Variants in SLC17A1 observed in about 807,000 individuals in gnomAD.
SLC17A1 encodes the protein solute carrier family 17 member 1, also known as sodium-dependent phosphate transport protein 1.
A neutral mutation model predicts 53.5 loss-of-function variants in SLC17A1; 51 were observed. That is an observed-to-expected ratio of 0.95 (90% CI 0.76 to 1.20). The LOEUF is 1.20. Ranked by LOEUF, SLC17A1 falls within the 50% of genes most tolerant of loss-of-function variation. SLC17A1 has a pLI of 0.00. For missense variants in SLC17A1, 538 were observed against 568.2 expected, an observed-to-expected ratio of 0.95 and a Z score of 0.54; for synonymous variants, 179 against 198.8, an observed-to-expected ratio of 0.90 and a Z score of 0.84.
intron 3 of SLC17A1, among the ~76,000 whole-genome samples, chr6:25,820,813 G>A (rs575137134): frequency 2.0e-5 from 3 of 151,360 alleles, no homozygotes; most frequent in African/African-American, 7.3e-5. Context: ...GCAGGAGAAT[G>A]GCGTGAACCT....
chr6:25,728,684 C>G, the SLC17A1 span, among the ~76,000 whole-genome samples: 1 of 151,996 alleles, frequency 6.6e-6, no homozygotes, highest in East Asian at 1.9e-4. Context: ...CGTGGTGGCA[C>G]GTTCCTGTAA....
At chr6:25,776,746 A>G in the SLC17A1 span, 1 of 1,613,856 alleles carries the variant, frequency 6.2e-7, no homozygotes, top group South Asian at 1.1e-5. Context: ...GAGACTGGAC[A>G]CAGGGGTGAA....
chr6:25,732,107 GC>G, the SLC17A1 span: 1 of 769,786 alleles, frequency 1.3e-6, no homozygotes. Context: ...TTTAGCAACT[GC>G]CTTCTTAAAG....
At chr6:25,750,832 A>ATGGGCCTAGTATTC in the SLC17A1 span, among the ~76,000 whole-genome samples, 1 of 152,116 alleles carries the variant, frequency 6.6e-6, no homozygotes, top group Admixed American at 6.6e-5. Context: ...TTTGTCAGCA[A>ATGGGCCTAGTATTC]TGGGCCTAGT....
intron 11 of SLC17A1, 43 bp from the exon 12 acceptor site, chr6:25,798,962 GT>G (rs779246752): frequency 6.0e-6 from 9 of 1,510,936 alleles, no homozygotes; most frequent in Non-Finnish European, 8.1e-6. Flanking sequence ...TATTGCTCTT[GT>G]TTTTTTGTTT....
the SLC17A1 span, among the ~76,000 whole-genome samples, chr6:25,775,708 G>A: frequency 6.6e-6 from 1 of 152,148 alleles, no homozygotes; most frequent in African/African-American, 2.4e-5. Context: ...GATTACAGGT[G>A]TGAGCCACCA....
At position 25,796,912 on chromosome 6, in the gene SLC17A1, C is replaced by T. The variant is rs78963640; in HGVS notation, c.*2+1871G>A. On this transcript the variant is annotated intron_variant, in intron 12 of 12. Transcript: ENST00000244527. ...CTTATCGCACAGATGAGATGCCAAC[C>T]TATATACTAACCCATCACATATACA... 5.8e-3 allele frequency among the ~76,000 whole-genome samples: 889 copies of T among 152,258 alleles called. 10 individuals are homozygous for T. Among genetic ancestry groups the T allele is most frequent in the African/African-American group, 0.021 (858 of 41,552 alleles).
chr6:25,786,136 G>A (rs958195699), intron 12 of SLC17A1, among the ~76,000 whole-genome samples: 7 of 152,144 alleles, frequency 4.6e-5, no homozygotes, highest in African/African-American at 1.4e-4. Flanking sequence ...GAATACTACT[G>A]GGCCACAAAA....
At chr6:25,755,561 AG>A in the SLC17A1 span, among the ~76,000 whole-genome samples, 3 of 64,254 alleles carry the variant, frequency 4.7e-5, no homozygotes, top group South Asian at 1.8e-3. Context: ...AGACACAAGC[AG>A]TCTTGGCAAG....
At chr6:25,736,257 T>G in the SLC17A1 span, among the ~76,000 whole-genome samples, 1 of 152,138 alleles carries the variant, frequency 6.6e-6, no homozygotes, top group Admixed American at 6.5e-5. Flanking sequence ...CCTTAATTTA[T>G]CTCAATAATG....
chr6:25,813,403 A>G (rs1764230379), intron 6 of SLC17A1, among the ~76,000 whole-genome samples, 190 bp from the exon 7 acceptor site: 1 of 152,136 alleles, frequency 6.6e-6, no homozygotes, highest in African/African-American at 2.4e-5. Flanking sequence ...GAAATGGGAT[A>G]AGGCCTATGC....
At chr6:25,770,384 G>T in the SLC17A1 span, 1 of 1,614,070 alleles carries the variant, frequency 6.2e-7, no homozygotes, top group Admixed American at 1.7e-5. Context: ...TTCCCCCCAG[G>T]TTATGGTATT....
chr6:25,824,422 A>T (rs986932895), intron 3 of SLC17A1, among the ~76,000 whole-genome samples: 1 of 151,878 alleles, frequency 6.6e-6, no homozygotes, highest in Non-Finnish European at 1.5e-5. Flanking sequence ...CAAAAAATTT[A>T]AAAAAGAATA....
intron 3 of SLC17A1, among the ~76,000 whole-genome samples, chr6:25,820,124 C>G (rs1019688830): frequency 6.6e-6 from 1 of 152,188 alleles, no homozygotes; most frequent in Non-Finnish European, 1.5e-5. Flanking sequence ...GTAAAGTCCT[C>G]ACAGCCAAGG....
the SLC17A1 span, among the ~76,000 whole-genome samples, chr6:25,763,336 A>G: frequency 6.6e-6 from 1 of 152,216 alleles, no homozygotes; most frequent in Non-Finnish European, 1.5e-5. Flanking sequence ...ATCCTACCTA[A>G]TAAGGCAGAA....
At chr6:25,752,838 G>A in the SLC17A1 span, among the ~76,000 whole-genome samples, 33 of 152,080 alleles carry the variant, frequency 2.2e-4, no homozygotes, top group African/African-American at 8.0e-4. Flanking sequence ...TGTAGTCCCA[G>A]CTACTCGGGA....
the SLC17A1 span, among the ~76,000 whole-genome samples, chr6:25,765,314 C>T: frequency 1.3e-5 from 2 of 152,212 alleles, no homozygotes; most frequent in Non-Finnish European, 2.9e-5. Context: ...TGTATTAATT[C>T]ATTGAATTCT....
chr6:25,775,459 A>G, the SLC17A1 span, among the ~76,000 whole-genome samples: 1 of 151,998 alleles, frequency 6.6e-6, no homozygotes, highest in Non-Finnish European at 1.5e-5. Context: ...CTTTTGAGAC[A>G]ACGTCTCACT....
chr6:25,744,646 A>G, the SLC17A1 span, among the ~76,000 whole-genome samples: 17 of 152,188 alleles, frequency 1.1e-4, no homozygotes, highest in African/African-American at 4.1e-4. Flanking sequence ...TCTGAATTGT[A>G]GAAATGCTAT....
Sources: gnomAD v4.1 joint callset for allele counts (sites outside exome capture counted in the v4.1 genomes callset) on GRCh38, gnomAD v4.1.1 for gene constraint, MANE v1.5 for transcripts, NCBI Gene and HGNC (gene_info 2026-07-23, HGNC 2026-07-21) for gene names.